The following DNAJC7 variants were observed in gnomAD, a reference collection of about 807,000 sequenced individuals.
The protein encoded by DNAJC7 is DnaJ heat shock protein family (Hsp40) member C7, also known as dnaJ homolog subfamily C member 7.
In DNAJC7, 18 loss-of-function variants were observed where a neutral mutation model predicts 67.4. The ratio of observed to expected loss-of-function variants is 0.27; its 90% CI spans 0.18 to 0.40. DNAJC7 has a LOEUF of 0.40. Ranked by LOEUF, DNAJC7 falls within the 10% of genes least tolerant of loss-of-function variation. The probability of loss-of-function intolerance (pLI) is 1.00; values close to 1 mark genes in which losing one functional copy is unlikely to be tolerated. For synonymous variants in DNAJC7, 220 were observed against 207.8 expected, an observed-to-expected ratio of 1.06 and a Z score of -0.50; for missense variants, 419 against 613.8, an observed-to-expected ratio of 0.68 and a Z score of 3.35.
intron 12 of DNAJC7, among the ~76,000 whole-genome samples, chr17:41,981,420 T>C (rs2051247684): frequency 6.6e-6 from 1 of 152,170 alleles, no homozygotes; most frequent in Non-Finnish European, 1.5e-5. Flanking sequence ...GGTCTCAAAC[T>C]CCTGACCTGG....
At chr17:42,008,207 G>A (rs1255863336) in intron 1 of DNAJC7, among the ~76,000 whole-genome samples, 1 of 150,046 alleles carries the variant, frequency 6.7e-6, no homozygotes, top group African/African-American at 2.4e-5. Context: ...ACCTATTCGG[G>A]AGGCTGAGGC....
chr17:42,015,284 G>A (rs574358251), intron 1 of DNAJC7: 1 of 152,200 alleles, frequency 6.6e-6, no homozygotes, highest in African/African-American at 2.4e-5. Flanking sequence ...CCAGCCTAAT[G>A]ACACTTAAAT....
chr17:41,997,234 A>C lies in DNAJC7; in HGVS notation c.172T>G (p.Cys58Gly). Residue 58 changes from cysteine to glycine, a missense_variant, in exon 3 of 14, where the codon TGT becomes GGT. By Grantham distance (159) the Cys-to-Gly change is radical. This residue lies in a region of DNAJC7 where 179 missense variants were observed against 249.7 expected (regional missense o/e 0.72). Coordinates refer to ENST00000457167, the MANE Select transcript of DNAJC7 (RefSeq NM_003315.4). ...YNYYTKAIDM[C>G]PKNASYYGNR... is the part of the protein sequence containing the mutation. ...CCATAATAGCTAGCATTTTTAGGAC[A>C]CATATCTATAGGAAAGGCAGAAGAA... 2 of 1,613,462 alleles carry C rather than the reference A, an allele frequency of 1.2e-6. No individual in the cohort carries two copies. Among genetic ancestry groups the C allele is most frequent in the Non-Finnish European group, 1.7e-6 (2 of 1,179,616 alleles).
chr17:42,017,002 TAAGG>T (rs1337613606), intron 1 of DNAJC7: 49 of 1,285,972 alleles, frequency 3.8e-5, no homozygotes, highest in African/African-American at 1.8e-4. Flanking sequence ...GGGGGCGATG[TAAGG>T]AAGTCGTCAT....
At chr17:41,979,272 G>A (rs2051177466) in intron 12 of DNAJC7, among the ~76,000 whole-genome samples, 1 of 151,766 alleles carries the variant, frequency 6.6e-6, no homozygotes, top group Non-Finnish European at 1.5e-5. Flanking sequence ...CTGGGAGGTG[G>A]AGGTTGCCGT....
chr17:41,979,441 G>A (rs2051184388), intron 12 of DNAJC7, among the ~76,000 whole-genome samples: 1 of 151,436 alleles, frequency 6.6e-6, no homozygotes, highest in African/African-American at 2.4e-5. Context: ...GGAGGCCAAG[G>A]CCAGTAGATC....
At chr17:41,982,506 A>G in intron 10 of DNAJC7, 105 bp from the exon 11 acceptor site, 1 of 1,434,300 alleles carries the variant, frequency 7.0e-7, no homozygotes, top group Non-Finnish European at 9.4e-7. Flanking sequence ...TAACCATGCC[A>G]GGGACTTTTA....
rs1555648626 is a variant in DNAJC7, at chr17:41,996,315, T to C, written c.401A>G (p.Gln134Arg). The C allele has an allele frequency of 6.2e-7, 1 of 1,613,550 alleles. No individual in the cohort carries two copies. Among genetic ancestry groups the C allele is most frequent in the South Asian group, 1.1e-5 (1 of 91,080 alleles). Residue 134 changes from glutamine (Q) to arginine (R), a missense_variant, in exon 4 of 14, where the codon CAA becomes CGA. This residue lies in a region of DNAJC7 where 179 missense variants were observed against 249.7 expected (regional missense o/e 0.72). Coordinates refer to ENST00000457167, the MANE Select transcript of DNAJC7 (RefSeq NM_003315.4). ...GAAACAGGATCAGACCCGTACCTCT[T>C]GTTGTGCCTGAGCATTTTTATGATC... is the stretch of plus-strand genomic sequence containing the variant. ...ELDHKNAQAQ[Q>R]EFKNANAVME...
Position 41,977,305 on chromosome 17 carries a change from A to G in DNAJC7, c.1403T>C (p.Ile468Thr). The change falls in exon 13 of 14, where the codon ATC becomes ACC. Residue 468 changes from isoleucine (I) to threonine (T), a missense_variant. Coordinates refer to ENST00000457167, the MANE Select transcript of DNAJC7 (RefSeq NM_003315.4). ...MNMGDFDPNN[I>T]FKAFFGGPGG... is the part of the protein sequence containing the mutation. ...AGGACCGCCAAAGAATGCCTTGAAG[A>G]TATTGTTTGGATCAAAATCTGTAGA... The G allele has an allele frequency of 1.9e-6, 3 of 1,583,462 alleles. No individual in the cohort carries two copies. The highest frequency in any genetic ancestry group is 1.8e-5 in the Admixed American group (1 of 54,960).
chr17:41,995,175 G>A (rs1485680864), intron 4 of DNAJC7, among the ~76,000 whole-genome samples: 1 of 152,134 alleles, frequency 6.6e-6, no homozygotes. Flanking sequence ...CCTAGAGAGA[G>A]GTGGTACTCG....
At chr17:42,006,817 A>AAAAAAAC (rs1567969054) in intron 1 of DNAJC7, among the ~76,000 whole-genome samples, 1 of 122,816 alleles carries the variant, frequency 8.1e-6, no homozygotes, top group Non-Finnish European at 1.7e-5. Context: ...AAAAAAAAAA[A>AAAAAAAC]AGTCCAGGCA....
At chr17:41,994,079 T>G (rs1438260310) in intron 5 of DNAJC7, among the ~76,000 whole-genome samples, 1 of 146,846 alleles carries the variant, frequency 6.8e-6, no homozygotes, top group Non-Finnish European at 1.5e-5. Context: ...GGCTCACGCC[T>G]GTAATCCCAG....
intron 8 of DNAJC7, 88 bp from the exon 9 acceptor site, chr17:41,987,998 G>A: frequency 9.1e-7 from 1 of 1,099,918 alleles, no homozygotes; most frequent in Non-Finnish European, 1.3e-6. Flanking sequence ...AACTCTAAGA[G>A]GATCAGTCAT....
chr17:42,008,204 C>T (rs2052020408), intron 1 of DNAJC7, among the ~76,000 whole-genome samples: 2 of 147,732 alleles, frequency 1.4e-5, no homozygotes, highest in Admixed American at 6.8e-5. Context: ...CCCACCTATT[C>T]GGGAGGCTGA....
intron 1 of DNAJC7, among the ~76,000 whole-genome samples, chr17:42,001,431 G>A (rs1391914190): frequency 1.3e-5 from 2 of 152,070 alleles, no homozygotes; most frequent in African/African-American, 4.8e-5. Flanking sequence ...TATATAATTG[G>A]GAATTAGATT....
chr17:41,982,119 T>C (rs1039442536), intron 11 of DNAJC7, 112 bp from the exon 12 acceptor site: 8 of 1,553,938 alleles, frequency 5.1e-6, no homozygotes, highest in Non-Finnish European at 6.9e-6. Flanking sequence ...TTCCCAAAAT[T>C]TGGAGGGTCC....
At chr17:41,983,417 G>A (rs782526653) in intron 10 of DNAJC7, 146 bp downstream of exon 10, 190 of 707,702 alleles carry the variant, frequency 2.7e-4, no homozygotes, top group Non-Finnish European at 3.0e-4. Flanking sequence ...GAGCCACCAC[G>A]CCCAGCCTTT....
chr17:41,977,347 G>A, intron 12 of DNAJC7, 24 bp from the exon 13 acceptor site: 1 of 1,562,124 alleles, frequency 6.4e-7, no homozygotes. Flanking sequence ...CAAGTAACAT[G>A]GAAGGGAAGA....
At chr17:42,000,631 T>C (rs1437115805) in intron 1 of DNAJC7, 61 bp from the exon 2 acceptor site, 42 of 1,307,388 alleles carry the variant, frequency 3.2e-5, no homozygotes, top group African/African-American at 1.0e-4. Flanking sequence ...TCTGTAATCT[T>C]ACAGGAGGAA....
Sources: allele counts gnomAD v4.1 joint callset (sites outside exome capture counted in the v4.1 genomes callset), GRCh38; gene constraint gnomAD v4.1.1; regional missense constraint gnomAD v4.1.1; transcripts MANE v1.5; gene names NCBI Gene and HGNC (gene_info 2026-07-23, HGNC 2026-07-21).